Variants in CCDC102B observed in about 807,000 individuals in gnomAD.
CCDC102B encodes the protein coiled-coil domain-containing protein 102B.
CCDC102B carries 75 observed loss-of-function variants against 57.4 expected under a neutral mutation model. That is an observed-to-expected ratio of 1.31 (90% CI 1.08 to 1.58). The LOEUF (loss-of-function observed/expected upper bound fraction) is 1.58, where lower values mean the gene tolerates loss of function less well. CCDC102B is among the 40% of genes most tolerant of loss of function. CCDC102B has a pLI of 0.00. For synonymous variants in CCDC102B, 206 were observed against 201.9 expected (o/e 1.02, Z -0.17); for missense variants, 636 against 582.6 (o/e 1.09, Z -0.94).
chr18:68,920,495 G>A (rs906245742), intron 6 of CCDC102B, among the ~76,000 whole-genome samples: 1 of 152,088 alleles, frequency 6.6e-6, no homozygotes, highest in Non-Finnish European at 1.5e-5. Flanking sequence ...CTGAGACTGG[G>A]AAGAAAAAGA....
At chr18:68,931,770 C>A (rs1012208337) in intron 6 of CCDC102B, among the ~76,000 whole-genome samples, 1 of 151,746 alleles carries the variant, frequency 6.6e-6, no homozygotes, top group Non-Finnish European at 1.5e-5. Flanking sequence ...TATGACCAAG[C>A]CTGGAAGTGG....
intron 1 of CCDC102B, among the ~76,000 whole-genome samples, chr18:68,823,704 C>G (rs143774459): frequency 5.0e-4 from 76 of 152,308 alleles, no homozygotes; most frequent in African/African-American, 1.8e-3. Context: ...AACTCTGCAG[C>G]CTCACCAGCA....
chr18:69,038,392 C>T (rs1328534330), intron 7 of CCDC102B, among the ~76,000 whole-genome samples: 1 of 151,864 alleles, frequency 6.6e-6, no homozygotes, highest in Non-Finnish European at 1.5e-5. Context: ...CGTTCCAATA[C>T]ATAATGAATA....
chr18:69,025,916 A>G (rs2051975997), intron 7 of CCDC102B, among the ~76,000 whole-genome samples: 1 of 152,138 alleles, frequency 6.6e-6, no homozygotes, highest in Non-Finnish European at 1.5e-5. Flanking sequence ...AGCCAGTAAG[A>G]CAAACCTAGA....
At chr18:69,023,835 T>A (rs1182115874) in intron 7 of CCDC102B, among the ~76,000 whole-genome samples, 1 of 152,062 alleles carries the variant, frequency 6.6e-6, no homozygotes, top group African/African-American at 2.4e-5. Flanking sequence ...AGTTAAAGCA[T>A]TTTATTTAGA....
Position 68,739,568 on chromosome 18 carries a change from A to G in CCDC102B, c.-67+22974A>G, listed in dbSNP as rs144558000. 8.5e-4 allele frequency among the ~76,000 whole-genome samples: 129 copies of G among 152,302 alleles called. No homozygotes were observed. The East Asian group carries it at 0.016, about 19-fold the overall frequency. The stretch of plus-strand genomic sequence containing the variant: ...TGATTAGTCCATTGTACTACAGATT[A>G]TGGCAGGGTCCACCTATAACTTGGT... On this transcript the variant is annotated intron_variant, in intron 2 of 3. Transcript: ENST00000578970.
intron 2 of CCDC102B, among the ~76,000 whole-genome samples, chr18:68,737,602 C>G (rs9954122): frequency 0.04 from 6,152 of 151,978 alleles, 392 homozygotes; most frequent in African/African-American, 0.13. Flanking sequence ...TTATTTTGCC[C>G]TTATTAATGG....
intron 2 of CCDC102B, among the ~76,000 whole-genome samples, chr18:68,731,959 A>G (rs2032888883): frequency 4.1e-5 from 1 of 24,464 alleles, no homozygotes. Flanking sequence ...AATGGCTTAC[A>G]GTTATTGAGA....
In CCDC102B at chr18:68,981,841, T is replaced by C. The variant is rs147294381; in HGVS notation, c.1264-29093T>C. ...CACCTATGAGTGACAACAGGCGGTG[T>C]TGGGTTTTCTGTCCTTGAGATAGTT... is the stretch of plus-strand genomic sequence containing the variant. On this transcript the variant is annotated intron_variant, in intron 6 of 7. Transcript: ENST00000360242. Among the ~76,000 whole-genome samples the C allele has an allele frequency of 3.5e-4, 53 of 152,066 alleles. 1 individual carries two copies. The highest frequency in any genetic ancestry group is 1.2e-3 in the African/African-American group (48 of 41,530).
At chr18:68,857,765 TG>T (rs1746526231) in intron 4 of CCDC102B, among the ~76,000 whole-genome samples, 1 of 152,136 alleles carries the variant, frequency 6.6e-6, no homozygotes, top group South Asian at 2.1e-4. Context: ...TGACGTTGAA[TG>T]GCTTCAGAAT....
At chr18:68,715,250 G>C (rs2031868437) in exon 1 of CCDC102B, 12 of 1,336,042 alleles carry the variant, frequency 9.0e-6, no homozygotes, top group African/African-American at 6.1e-5. Flanking sequence ...CCCCCTCCAC[G>C]CCCAGGAGCG....
chr18:68,844,222 C>T (rs1267397019), intron 3 of CCDC102B, among the ~76,000 whole-genome samples: 2 of 151,664 alleles, frequency 1.3e-5, no homozygotes, highest in Non-Finnish European at 3.0e-5. Flanking sequence ...AGTATAATAT[C>T]AAAAGCAGAC....
intron 6 of CCDC102B, among the ~76,000 whole-genome samples, chr18:68,925,050 A>T (rs17079902): frequency 0.023 from 3,533 of 152,082 alleles, 130 homozygotes; most frequent in African/African-American, 0.08. Flanking sequence ...GCACTAAGGC[A>T]CTCAGAAAGG....
chr18:68,785,276 C>T (rs547155665), intron 2 of CCDC102B, among the ~76,000 whole-genome samples: 1 of 152,084 alleles, frequency 6.6e-6, no homozygotes, highest in Admixed American at 6.5e-5. Flanking sequence ...TGAATAATGT[C>T]ACAATAAACA....
intron 7 of CCDC102B, among the ~76,000 whole-genome samples, chr18:69,019,306 A>T (rs1190039418): frequency 6.6e-6 from 1 of 151,996 alleles, no homozygotes; most frequent in African/African-American, 2.4e-5. Context: ...GGCAGTATGG[A>T]TATTTAAACA....
chr18:68,854,106 C>A (rs201859917), intron 4 of CCDC102B, among the ~76,000 whole-genome samples: 31 of 123,254 alleles, frequency 2.5e-4, no homozygotes, highest in Non-Finnish European at 4.9e-4. Flanking sequence ...TTTTTTTTTT[C>A]TTTTTATTTT....
intron 7 of CCDC102B, among the ~76,000 whole-genome samples, chr18:69,046,644 C>A (rs1000037584): frequency 2.6e-5 from 4 of 151,982 alleles, no homozygotes; most frequent in African/African-American, 9.7e-5. Context: ...TTGCTTTTGG[C>A]ATCTTTGTCA....
intron 6 of CCDC102B, among the ~76,000 whole-genome samples, chr18:68,990,445 A>G (rs1432248756): frequency 6.6e-6 from 1 of 152,202 alleles, no homozygotes; most frequent in African/African-American, 2.4e-5. Flanking sequence ...AAGACCAAGA[A>G]TCCATTCCTT....
At chr18:68,797,295 T>A (rs947508934), upstream of CCDC102B, among the ~76,000 whole-genome samples, 2 of 152,226 alleles carry the variant, frequency 1.3e-5, no homozygotes, top group Middle Eastern at 3.4e-3. Context: ...AAATTTCAAA[T>A]GTTGTTTTTT....
Sources: allele counts gnomAD v4.1 joint callset (sites outside exome capture counted in the v4.1 genomes callset), GRCh38; gene constraint gnomAD v4.1.1; transcripts MANE v1.5; gene names NCBI Gene and HGNC (gene_info 2026-07-23, HGNC 2026-07-21).